Variants in KLHL15 observed in about 807,000 individuals in gnomAD.
KLHL15 encodes kelch-like protein 15.
A neutral mutation model predicts 29.3 loss-of-function variants in KLHL15; 1 was observed. The ratio of observed to expected loss-of-function variants is 0.03; its 90% CI spans 0.01 to 0.16. The LOEUF is 0.16. Among genes scored for constraint, KLHL15 ranks in the 10% least tolerant of loss-of-function variants. KLHL15 has a pLI of 1.00. For synonymous variants in KLHL15, 212 were observed against 184.5 expected, an observed-to-expected ratio of 1.15 and a Z score of -1.21; for missense variants, 215 against 478.5, an observed-to-expected ratio of 0.45 and a Z score of 5.14.
intron 2 of KLHL15, among the ~76,000 whole-genome samples, chrX:24,016,103 C>T (rs747516290): frequency 5.0e-4 from 54 of 108,446 alleles, no homozygotes; most frequent in Non-Finnish European, 9.7e-4. Flanking sequence ...AATCTCAGCA[C>T]TTTGGGAGGC....
chrX:24,022,228 G>C (rs1277173066), intron 2 of KLHL15, among the ~76,000 whole-genome samples: 5 of 106,277 alleles, frequency 4.7e-5, no homozygotes, highest in Non-Finnish European at 9.7e-5. Flanking sequence ...CCAGTTACTC[G>C]GGAGGCTGAG....
chrX:23,998,243 G>A (rs1929234386), intron 3 of KLHL15, among the ~76,000 whole-genome samples: 1 of 110,080 alleles, frequency 9.1e-6, no homozygotes, highest in Non-Finnish European at 1.9e-5. Flanking sequence ...TTACAGGCGT[G>A]TGCCACCGTG....
Position 23,987,940 on chromosome X carries a change from T to G in KLHL15, c.1796A>C (p.Glu599Ala). 8.3e-7 allele frequency: 1 copy of G among 1,206,123 alleles called. No individual in the cohort carries two copies. The highest frequency in any genetic ancestry group is 1.1e-6 in the Non-Finnish European group (1 of 892,463). The change falls in exon 4 of 4, where the codon GAG becomes GCG. Residue 599 changes from glutamate to alanine, a missense_variant. Physicochemically the swap from Glu to Ala is moderately radical, Grantham distance 107 (BLOSUM62 -1). Transcript: ENST00000328046. ...ATGTCATTAGTTGCAACGCCTGACC[T>G]CATCCAGTACATAGTCCGGAAAATG... The part of the protein sequence containing the change: ...NLHFPDYVLD[E>A]VRRCN
intron 2 of KLHL15, among the ~76,000 whole-genome samples, chrX:24,023,335 C>T (rs1402869741): frequency 8.1e-5 from 9 of 111,656 alleles, no homozygotes; most frequent in African/African-American, 2.6e-4. Context: ...TCTATAAAAC[C>T]AGCCACTTTG....
intron 3 of KLHL15, among the ~76,000 whole-genome samples, chrX:24,003,647 A>ATGTGTGTGTGTG (rs10693389): frequency 1.0e-5 from 1 of 96,473 alleles, no homozygotes; most frequent in Non-Finnish European, 2.0e-5. Context: ...GCATAAATAT[A>ATGTGTGTGTGTG]TGTGTGTGTG....
intron 2 of KLHL15, among the ~76,000 whole-genome samples, chrX:24,011,076 T>C (rs1929563143): frequency 9.2e-6 from 1 of 108,848 alleles, no homozygotes; most frequent in Admixed American, 9.9e-5. Context: ...TACTACTTTG[T>C]TTCATCAATA....
intron 2 of KLHL15, among the ~76,000 whole-genome samples, chrX:24,019,855 C>T (rs189856076): frequency 1.2e-4 from 13 of 112,031 alleles, no homozygotes; most frequent in Admixed American, 3.8e-4. Flanking sequence ...TATAAGGCTG[C>T]CATTCTGATG....
At chrX:23,997,717 T>G (rs1435283389) in intron 3 of KLHL15, among the ~76,000 whole-genome samples, 1 of 70,766 alleles carries the variant, frequency 1.4e-5, no homozygotes, top group African/African-American at 6.2e-5. Context: ...GTCAACAGAG[T>G]GAGACTCTGT....
At chrX:23,992,612 T>C (rs921196568) in intron 3 of KLHL15, among the ~76,000 whole-genome samples, 1 of 112,123 alleles carries the variant, frequency 8.9e-6, no homozygotes, top group Non-Finnish European at 1.9e-5. Flanking sequence ...TTCAAGTTTT[T>C]CAAAGGAAAA....
chrX:24,006,743 A>T, intron 2 of KLHL15, 43 bp from the exon 3 acceptor site: 1 of 967,015 alleles, frequency 1.0e-6, no homozygotes, highest in Non-Finnish European at 1.4e-6. Flanking sequence ...ACTTCCATGC[A>T]TTCAGAAGAA....
intron 3 of KLHL15, among the ~76,000 whole-genome samples, chrX:23,990,094 T>G (rs1011812314): frequency 9.0e-6 from 1 of 110,542 alleles, no homozygotes; most frequent in Non-Finnish European, 1.9e-5. Flanking sequence ...GGAGGATCAC[T>G]TGAGACCAGC....
intron 3 of KLHL15, among the ~76,000 whole-genome samples, chrX:23,997,194 G>A (rs971846807): frequency 8.9e-6 from 1 of 112,422 alleles, no homozygotes; most frequent in Non-Finnish European, 1.9e-5. Flanking sequence ...AACCCTTTTA[G>A]AGAGTAAAAA....
Position 24,006,529 on chromosome X carries a change from G to A in KLHL15, c.165C>T (p.Tyr55=), listed in dbSNP as rs963300967. The A allele has an allele frequency of 8.3e-7, 1 of 1,211,318 alleles. No homozygotes were observed. Among genetic ancestry groups the A allele is most frequent in the African/African-American group, 1.7e-5 (1 of 57,640 alleles). Residue 55 remains tyrosine (Y), a synonymous_variant, in exon 3 of 4, where the codon TAC becomes TAT. Transcript: ENST00000328046. ...HKALLATQSD[Y]FRIMFTADMR... The stretch of plus-strand genomic sequence containing the variant: ...TGTCTGCAGTAAACATAATTCTGAA[G>A]TAATCACTCTGGGTGGCCAAGAGTG...
Position 23,985,775 on chromosome X carries a change from T to C in KLHL15, c.*2146A>G, listed in dbSNP as rs1428941947. The stretch of plus-strand genomic sequence containing the variant: ...GCTTTGATGTGGATACCTGGCCTGA[T>C]GGCTCTTTCTTGGTCTTTTCTAGCA... On this transcript the variant is annotated 3_prime_UTR_variant, in exon 4 of 4. Coordinates refer to ENST00000328046, the MANE Select transcript of KLHL15 (RefSeq NM_030624.3). 2 of 112,368 alleles carry C rather than the reference T, an allele frequency of 1.8e-5. No homozygotes were observed. Among genetic ancestry groups the C allele is most frequent in the Non-Finnish European group, 3.8e-5 (2 of 53,232 alleles). 9.3% of individuals were successfully genotyped at this position (112,368 alleles called of 1,213,427 possible).
At chrX:24,009,557 C>T (rs939995884) in intron 2 of KLHL15, among the ~76,000 whole-genome samples, 31 of 107,700 alleles carry the variant, frequency 2.9e-4, no homozygotes, top group African/African-American at 1.0e-3. Context: ...TGGTAGCGGG[C>T]GCCTGTAGTC....
At chrX:24,025,289 T>C (rs1929901440) in intron 1 of KLHL15, among the ~76,000 whole-genome samples, 1 of 103,445 alleles carries the variant, frequency 9.7e-6, no homozygotes, top group Non-Finnish European at 2.0e-5. Context: ...TCTGGGCTTC[T>C]GCCCCGAAGC....
intron 2 of KLHL15, among the ~76,000 whole-genome samples, chrX:24,019,842 A>G (rs987988680): frequency 8.9e-6 from 1 of 112,373 alleles, no homozygotes; most frequent in Non-Finnish European, 1.9e-5. Context: ...CTTCCTTTTC[A>G]GTTATAAGGC....
chrX:23,997,040 T>A (rs1929204503), intron 3 of KLHL15, among the ~76,000 whole-genome samples: 2 of 111,730 alleles, frequency 1.8e-5, no homozygotes, highest in Non-Finnish European at 3.8e-5. Flanking sequence ...CACCCTCTTC[T>A]CTCCAAGCAG....
chrX:24,003,971 A>C (rs1929390771), intron 3 of KLHL15, among the ~76,000 whole-genome samples: 1 of 109,826 alleles, frequency 9.1e-6, no homozygotes, highest in African/African-American at 3.3e-5. Flanking sequence ...AAAAAAAAAA[A>C]AGTTAAGACA....
Sources: allele counts gnomAD v4.1 joint callset (sites outside exome capture counted in the v4.1 genomes callset), GRCh38; gene constraint gnomAD v4.1.1; transcripts MANE v1.5; gene names NCBI Gene and HGNC (gene_info 2026-07-23, HGNC 2026-07-21).